The following PTPRQ variants were observed in gnomAD, a reference collection of about 807,000 sequenced individuals.
PTPRQ encodes the protein protein tyrosine phosphatase receptor type Q.
In PTPRQ, 199 loss-of-function variants were observed where a neutral mutation model predicts 246.0. The ratio of observed to expected loss-of-function variants is 0.81; its 90% confidence interval spans 0.72 to 0.91. PTPRQ has a LOEUF of 0.91. PTPRQ is among the 40% of genes least tolerant of loss of function. The pLI, the probability that PTPRQ is intolerant of heterozygous loss-of-function variation, is 0.00. For synonymous variants in PTPRQ, 869 were observed against 853.2 expected, an observed-to-expected ratio of 1.02 and a Z score of -0.32; for missense variants, 2,624 against 2,528.4, an observed-to-expected ratio of 1.04 and a Z score of -0.81.
chr12:80,539,446 A>T (rs894052758), intron 19 of PTPRQ, among the ~76,000 whole-genome samples: 4 of 152,108 alleles, frequency 2.6e-5, no homozygotes, highest in African/African-American at 9.7e-5. Flanking sequence ...AAATTACTTG[A>T]ATGTTTTTAT....
intron 33 of PTPRQ, among the ~76,000 whole-genome samples, chr12:80,629,152 GCACACACA>G (rs35680769): frequency 6.8e-6 from 1 of 146,102 alleles, no homozygotes; most frequent in African/African-American, 2.5e-5. Context: ...GGAGTGAGTG[GCACACACA>G]CACACACACA....
rs10778753 is a variant in PTPRQ at position 80,496,648 on chromosome 12, A to G, written c.2272+117A>G. ...CTAAAATCCCTCATTATTTTGTTTT[A>G]TATAATCCAGAAATTAATTTTCTTT... On this transcript the variant is annotated intron_variant, in intron 14 of 44. Transcript: ENST00000644991. 0.9 allele frequency: 1,155,748 copies of G among 1,281,314 alleles called. 525,894 individuals carry two copies. Among genetic ancestry groups the G allele is most frequent in the Non-Finnish European group, 0.93 (901,012 of 965,994 alleles). 79.4% of individuals were successfully genotyped at this position (1,281,314 alleles called of 1,614,324 possible).
chr12:80,575,666 CCT>C (rs1216293603), intron 25 of PTPRQ, among the ~76,000 whole-genome samples: 1 of 151,330 alleles, frequency 6.6e-6, no homozygotes, highest in East Asian at 1.9e-4. Context: ...ATGGTGAAAC[CCT>C]GTCTCTACTA....
chr12:80,638,707 T>C (rs1899747805), intron 35 of PTPRQ, among the ~76,000 whole-genome samples: 1 of 152,218 alleles, frequency 6.6e-6, no homozygotes, highest in East Asian at 1.9e-4. Context: ...TCTATCATTC[T>C]ATACTATTTC....
At chr12:80,624,161 TA>T (rs936744358) in intron 33 of PTPRQ, among the ~76,000 whole-genome samples, 19 of 152,020 alleles carry the variant, frequency 1.2e-4, no homozygotes, top group African/African-American at 4.6e-4. Context: ...CTACAGTGAG[TA>T]AAAGATGTGT....
chr12:80,445,430 T>C, intron 2 of PTPRQ, 61 bp from the exon 3 acceptor site: 1 of 1,024,966 alleles, frequency 9.8e-7, no homozygotes, highest in Non-Finnish European at 1.4e-6. Context: ...TGTTATTATG[T>C]ATTTTTGTGA....
rs1400331385 is a variant in PTPRQ at position 80,642,918 on chromosome 12, T to TCAAAAAAAAA, written c.5916-5979_5916-5978insCAAAAAAAAA. On this transcript the variant is annotated intron_variant, in intron 35 of 44. Transcript: ENST00000644991. ...CTGGGCGACAGAGCGAGACTCCGTC[T>TCAAAAAAAAA]TAAAAAAAAAAAAAAAAAAAAAAAA... is the stretch of plus-strand genomic sequence containing the variant. 1.4e-4 allele frequency among the ~76,000 whole-genome samples: 10 copies of TCAAAAAAAAA among 69,366 alleles called. 1 individual carries two copies. Among genetic ancestry groups the TCAAAAAAAAA allele is most frequent in the African/African-American group, 1.2e-3 (9 of 7,538 alleles). 45.5% of individuals were successfully genotyped at this position (69,366 alleles called of 152,430 possible).
At chr12:80,635,403 T>G (rs1216867955) in intron 35 of PTPRQ, among the ~76,000 whole-genome samples, 1 of 152,212 alleles carries the variant, frequency 6.6e-6, no homozygotes, top group Non-Finnish European at 1.5e-5. Flanking sequence ...TAAACTTTTC[T>G]GGAAGTGTCC....
intron 27 of PTPRQ, among the ~76,000 whole-genome samples, chr12:80,608,791 A>G (rs1898432887): frequency 6.6e-6 from 1 of 150,480 alleles, no homozygotes; most frequent in African/African-American, 2.4e-5. Context: ...AGTGAAGCCA[A>G]TTGAGTGGGG....
intron 25 of PTPRQ, among the ~76,000 whole-genome samples, chr12:80,574,533 G>A (rs532722994): frequency 4.0e-5 from 6 of 151,736 alleles, no homozygotes; most frequent in Non-Finnish European, 7.4e-5. Context: ...TATATTTTTA[G>A]CATTATATTT....
At chr12:80,453,038 C>T (rs903043927) in intron 3 of PTPRQ, among the ~76,000 whole-genome samples, 5 of 152,160 alleles carry the variant, frequency 3.3e-5, no homozygotes, top group Non-Finnish European at 7.4e-5. Flanking sequence ...CACATAGTCC[C>T]GTATTTCTTG....
chr12:80,662,041 T>C (rs1271471663), intron 39 of PTPRQ, among the ~76,000 whole-genome samples: 2 of 151,926 alleles, frequency 1.3e-5, no homozygotes, highest in Non-Finnish European at 2.9e-5. Context: ...TTTTCATTAT[T>C]CAAACTTACT....
At chr12:80,470,099 A>G (rs1893577540) in intron 7 of PTPRQ, among the ~76,000 whole-genome samples, 1 of 152,226 alleles carries the variant, frequency 6.6e-6, no homozygotes, top group South Asian at 2.1e-4. Flanking sequence ...AAGAACATAT[A>G]AAGCATGTTT....
intron 38 of PTPRQ, 53 bp from the exon 39 acceptor site, chr12:80,657,932 G>C: frequency 8.0e-7 from 1 of 1,256,694 alleles, no homozygotes; most frequent in Non-Finnish European, 1.1e-6. Flanking sequence ...AGTAAAAAAA[G>C]TAGTAACAAT....
At chr12:80,455,307 T>C (rs566460093) in intron 3 of PTPRQ, among the ~76,000 whole-genome samples, 2 of 152,348 alleles carry the variant, frequency 1.3e-5, no homozygotes, top group Non-Finnish European at 2.9e-5. Context: ...AAAAAAACTT[T>C]AGCTTAGTGA....
chr12:80,536,717 AG>A (rs1895998824), intron 19 of PTPRQ, among the ~76,000 whole-genome samples: 1 of 152,212 alleles, frequency 6.6e-6, no homozygotes, highest in African/African-American at 2.4e-5. Context: ...TGTTCTCTGT[AG>A]GGAAGAGAAA....
intron 35 of PTPRQ, among the ~76,000 whole-genome samples, chr12:80,641,222 TA>T (rs1899845028): frequency 6.6e-6 from 1 of 152,168 alleles, no homozygotes; most frequent in Admixed American, 6.5e-5. Context: ...CATTTTTTGT[TA>T]CATTCTGAGA....
chr12:80,534,036 T>C lies in PTPRQ; in HGVS notation c.2700T>C (p.Thr900=), dbSNP rs1005638159. Residue 900 remains threonine (T), a synonymous_variant, in exon 18 of 45, where the codon ACT becomes ACC. Coordinates refer to ENST00000644991, the MANE Select transcript of PTPRQ (RefSeq NM_001145026.2). The stretch of plus-strand genomic sequence containing the variant: ...TCAGGAATAGATCATCATTAAAAAC[T>C]ATTAATGTCACTGAAACATCATTGG... The part of the protein sequence containing the change: ...VYVWNRSSLK[T]INVTETSLEL... 1 of 1,516,512 alleles carries C rather than the reference T, an allele frequency of 6.6e-7. No homozygotes were observed. The highest frequency in any genetic ancestry group is 8.8e-7 in the Non-Finnish European group (1 of 1,133,548). 93.9% of individuals were successfully genotyped at this position (1,516,512 alleles called of 1,614,324 possible).
intron 16 of PTPRQ, among the ~76,000 whole-genome samples, chr12:80,509,428 A>G (rs1219425071): frequency 6.6e-6 from 1 of 152,094 alleles, no homozygotes; most frequent in African/African-American, 2.4e-5. Context: ...AAAGATGTAA[A>G]CAAATTCTCA....
Sources: allele counts gnomAD v4.1 joint callset (sites outside exome capture counted in the v4.1 genomes callset), GRCh38; gene constraint gnomAD v4.1.1; transcripts MANE v1.5; gene names NCBI Gene and HGNC (gene_info 2026-07-23, HGNC 2026-07-21).